The following CEP72 variants were observed in gnomAD, a reference collection of about 807,000 sequenced individuals.
CEP72 encodes centrosomal protein 72, also known as centrosomal protein of 72 kDa.
A neutral mutation model predicts 65.7 loss-of-function variants in CEP72; 78 were observed. The observed-to-expected ratio is 1.19, with a 90% CI of 0.99 to 1.43. The LOEUF (loss-of-function observed/expected upper bound fraction) is 1.43, where lower values mean the gene tolerates loss of function less well. Among genes scored for constraint, CEP72 ranks in the 40% most tolerant of loss-of-function variants. The pLI is 0.00. For missense variants in CEP72, 914 were observed against 832.9 expected (o/e 1.10, Z -1.20); for synonymous variants, 358 against 351.7 (o/e 1.02, Z -0.20).
intron 11 of CEP72, 135 bp from the exon 12 acceptor site, chr5:652,853 C>G (rs898026647): frequency 2.1e-6 from 2 of 951,770 alleles, no homozygotes; most frequent in Non-Finnish European, 1.5e-6. Context: ...GGTGATGGGG[C>G]CACAGAGATA....
downstream of CEP72, among the ~76,000 whole-genome samples, chr5:671,385 A>G (rs1740218615): frequency 6.6e-6 from 1 of 152,176 alleles, no homozygotes; most frequent in Non-Finnish European, 1.5e-5. Context: ...AGGGGGCCCC[A>G]GGGGCTCGGC....
rs752937474 is a variant in CEP72 at position 637,597 on chromosome 5, C to T, written c.985C>T (p.Pro329Ser). 2.5e-5 allele frequency: 41 copies of T among 1,613,936 alleles called. 1 individual carries two copies. In the South Asian group the frequency reaches 4.4e-4, roughly 17 times the overall value. ...GEMVPGPLPA[P>S]GKCRKRRMPV... is the part of the protein sequence containing the mutation. ...AATGGTGCCTGGTCCCCTGCCAGCC[C>T]CCGGAAAGTGCAGGAAGCGAAGAAT... Residue 329 changes from proline to serine, a missense_variant, in exon 7 of 12, where the codon CCC becomes TCC. By Grantham distance (74) the Pro-to-Ser change is moderately conservative. Coordinates refer to ENST00000264935, the MANE Select transcript of CEP72 (RefSeq NM_018140.4).
chr5:624,178 C>T lies in CEP72; in HGVS notation c.404-293C>T, dbSNP rs1238930924. On this transcript the variant is annotated intron_variant, in intron 3 of 11. Coordinates refer to ENST00000264935, the MANE Select transcript of CEP72 (RefSeq NM_018140.4). The surrounding 1 kb of genome is among the most constrained non-coding windows in gnomAD (Gnocchi z 4.7). ...TGAGTGTGACTTGAGAATCCCACCCCGCACCCGGTGTGCACTTTAGAGAAA... is the reference window on the plus strand; with the variant it reads ...TGAGTGTGACTTGAGAATCCCACCCTGCACCCGGTGTGCACTTTAGAGAAA... Among the ~76,000 whole-genome samples the T allele has an allele frequency of 2.0e-5, 3 of 152,196 alleles. No homozygotes were observed. The highest frequency in any genetic ancestry group is 1.3e-4 in the Admixed American group (2 of 15,284).
chr5:638,960 G>A lies in CEP72; in HGVS notation c.1207-129G>A. On this transcript the variant is annotated intron_variant, in intron 7 of 11. Coordinates refer to ENST00000264935, the MANE Select transcript of CEP72 (RefSeq NM_018140.4). The stretch of plus-strand genomic sequence containing the variant: ...TGAGCCGCCCTCCACCTGGCTCAGG[G>A]CTGGGGCCTCAGGGCACCTGTCCTC... 5 of 1,218,022 alleles carry A rather than the reference G, an allele frequency of 4.1e-6. No homozygotes were observed. The South Asian group carries it at 6.7e-5, about 16-fold the overall frequency. 75.5% of individuals were successfully genotyped at this position (1,218,022 alleles called of 1,614,324 possible). A position where few individuals can be genotyped will look rare whatever the true frequency, so the allele number is the denominator to read the frequency against.
downstream of CEP72, among the ~76,000 whole-genome samples, chr5:669,338 G>A (rs1740101827): frequency 6.6e-6 from 1 of 152,190 alleles, no homozygotes; most frequent in Non-Finnish European, 1.5e-5. Flanking sequence ...CGGTGTTGGG[G>A]GTGGATTTAG....
chr5:637,502 C>T lies in CEP72; in HGVS notation c.905-15C>T. The T allele has an allele frequency of 6.2e-7, 1 of 1,602,102 alleles. No individual in the cohort carries two copies. The highest frequency in any genetic ancestry group is 8.5e-7 in the Non-Finnish European group (1 of 1,171,922). On this transcript the variant is annotated splice_polypyrimidine_tract_variant and intron_variant, in intron 6 of 11. Coordinates refer to ENST00000264935, the MANE Select transcript of CEP72 (RefSeq NM_018140.4). The stretch of plus-strand genomic sequence containing the variant: ...AATTTGGCCTGACGTGCGCCCCATC[C>T]TCTCTATATCTCAGACTCCATGGAT...
chr5:636,037 A>T (rs984599318), intron 6 of CEP72, among the ~76,000 whole-genome samples: 1 of 151,912 alleles, frequency 6.6e-6, no homozygotes, highest in South Asian at 2.1e-4. Flanking sequence ...TTCACCTCTT[A>T]AAGGCCCTCC....
At chr5:640,959 C>T (rs1737974840) in intron 9 of CEP72, 5 of 985,364 alleles carry the variant, frequency 5.1e-6, no homozygotes, top group Admixed American at 6.1e-5. Flanking sequence ...CGAGGCCACT[C>T]TCCTTTTATG....
chr5:619,020 CT>C lies in CEP72; in HGVS notation c.115del (p.Tyr39ThrfsTer12), dbSNP rs780025997. 4.3e-6 allele frequency: 7 copies of C among 1,611,894 alleles called. No individual in the cohort carries two copies. On this transcript the variant is annotated frameshift_variant, in exon 2 of 12. Transcript: ENST00000264935. LOFTEE classifies it high-confidence loss of function. ...AELQSLSIPG[T>X]YQEKITHLGH... The stretch of plus-strand genomic sequence containing the variant: ...CTTCAGTCATTGTCTATTCCTGGAA[CT>C]TACCAAGAGAAGATCACCCACCTGG...
At chr5:670,163 A>G (rs1161341606), downstream of CEP72, among the ~76,000 whole-genome samples, 3 of 152,240 alleles carry the variant, frequency 2.0e-5, no homozygotes, top group African/African-American at 7.2e-5. Context: ...TCAGGCCAGG[A>G]CAGCCCTCCG....
intron 11 of CEP72, among the ~76,000 whole-genome samples, chr5:649,130 C>T (rs62639484): frequency 0.16 from 7,814 of 48,430 alleles, 731 homozygotes; most frequent in Admixed American, 0.27. Flanking sequence ...GAATGTGAGG[C>T]GTGACTGTGA....
At chr5:615,967 C>T (rs1341832086) in intron 1 of CEP72, among the ~76,000 whole-genome samples, 1 of 152,182 alleles carries the variant, frequency 6.6e-6, no homozygotes, top group Non-Finnish European at 1.5e-5. Context: ...TATCCTCTCC[C>T]CTTTACAATT....
chr5:644,389 GC>G lies in CEP72; in HGVS notation c.1631del (p.Ala544GlufsTer7). ...LLSMKKEVKS[A>X]DTAATLNLQI... Reference sequence around the variant, plus strand: ...GAGTATGAAAAAGGAAGTGAAGAGTGCAGACACTGCAGCCACGTTAAATTTG... The same window carrying G: ...GAGTATGAAAAAGGAAGTGAAGAGTGAGACACTGCAGCCACGTTAAATTTG... On this transcript the variant is annotated frameshift_variant, in exon 10 of 12. Coordinates refer to ENST00000264935, the MANE Select transcript of CEP72 (RefSeq NM_018140.4). LOFTEE classifies it high-confidence loss of function. 6.2e-7 allele frequency: 1 copy of G among 1,613,932 alleles called. No homozygotes were observed. The highest frequency in any genetic ancestry group is 8.5e-7 in the Non-Finnish European group (1 of 1,179,946).
downstream of CEP72, among the ~76,000 whole-genome samples, chr5:658,505 C>A (rs1739444941): frequency 6.6e-6 from 1 of 152,192 alleles, no homozygotes; most frequent in South Asian, 2.1e-4. Context: ...AAAGAAACAC[C>A]CTTTGCCTCC....
At chr5:674,379 G>A in the CEP72 span, among the ~76,000 whole-genome samples, 2,288 of 152,298 alleles carry the variant, frequency 0.015, 29 homozygotes, top group Non-Finnish European at 0.02. Context: ...CAGCCAAGGG[G>A]AGGAGCTGCC....
At chr5:665,409 G>A (rs1409096137) in intron 3 of CEP72, 6 of 958,192 alleles carry the variant, frequency 6.3e-6, no homozygotes, top group African/African-American at 1.7e-5. Flanking sequence ...TGGGCAAGGG[G>A]CATAAACCCT....
downstream of CEP72, among the ~76,000 whole-genome samples, chr5:655,787 T>C (rs1327597370): frequency 1.3e-5 from 2 of 152,222 alleles, no homozygotes; most frequent in African/African-American, 2.4e-5. The surrounding 1 kb of genome is among the most constrained non-coding windows in gnomAD (Gnocchi z 5.0). Flanking sequence ...TTCTATTGGA[T>C]GGTCTGTCTC....
downstream of CEP72, among the ~76,000 whole-genome samples, chr5:671,336 G>C (rs1740216141): frequency 6.6e-6 from 1 of 152,130 alleles, no homozygotes. Context: ...TTGGGGCCCA[G>C]AGGGACCCCG....
rs780488743 is a variant in CEP72, at chr5:637,720, C to T, written c.1108C>T (p.Gln370Ter). 1.2e-6 allele frequency: 2 copies of T among 1,613,574 alleles called. No homozygotes were observed. The highest frequency in any genetic ancestry group is 1.1e-5 in the South Asian group (1 of 91,068). The change falls in exon 7 of 12, where the codon CAG (glutamine) becomes TAG (stop). Residue 370 changes from glutamine (Q) to a stop codon, truncating the protein, a stop_gained. Coordinates refer to ENST00000264935, the MANE Select transcript of CEP72 (RefSeq NM_018140.4). LOFTEE classifies it high-confidence loss of function. ...CGTGCCCAAGGAGAGCCTGAGCAGA[C>T]AGGACAGCTCAGAAAGCAGGAACGG... The part of the protein sequence containing the change: ...SSVPKESLSR[Q>*]DSSESRNGRT...
Sources: allele counts gnomAD v4.1 joint callset (sites outside exome capture counted in the v4.1 genomes callset), GRCh38; gene constraint gnomAD v4.1.1; non-coding constraint Gnocchi (gnomAD v3.1); transcripts MANE v1.5; gene names NCBI Gene and HGNC (gene_info 2026-07-23, HGNC 2026-07-21).